PCGF3: variants seen among roughly 807,000 people sequenced by gnomAD.
The protein encoded by PCGF3 is polycomb group RING finger protein 3.
Under a neutral mutation model 33.1 loss-of-function variants are expected in PCGF3, and 7 were observed. The observed-to-expected ratio is 0.21, with a 90% CI of 0.12 to 0.40. The LOEUF (loss-of-function observed/expected upper bound fraction) is 0.40, where lower values mean the gene tolerates loss of function less well. Among genes scored for constraint, PCGF3 ranks in the 10% least tolerant of loss-of-function variants. The pLI is 1.00. For synonymous variants in PCGF3, 153 were observed against 121.3 expected, an observed-to-expected ratio of 1.26 and a Z score of -1.72; for missense variants, 211 against 313.3, an observed-to-expected ratio of 0.67 and a Z score of 2.46.
At chr4:730,847 A>G (rs931246966) in intron 2 of PCGF3, 123 bp from the exon 3 acceptor site, 4 of 395,600 alleles carry the variant, frequency 1.0e-5, no homozygotes, top group African/African-American at 8.2e-5. Flanking sequence ...AGTACTTCTG[A>G]TTGACCCCAT....
In PCGF3 at chr4:738,101, G is replaced by T. The variant is rs373228936; in HGVS notation, c.262+580G>T. Among the ~76,000 whole-genome samples, 13 of 152,386 alleles carry T rather than the reference G, an allele frequency of 8.5e-5. 1 individual carries two copies. The South Asian group carries it at 1.2e-3, about 15-fold the overall frequency. ...GCTGGCGACCGGCAAGGAGGCCAAG[G>T]AGGGGCCAGGTCAGCGCCAGGTGGG... On this transcript the variant is annotated intron_variant, in intron 6 of 10. Transcript: ENST00000362003.
chr4:733,732 C>A (rs780392365), exon 4 of PCGF3: 1 of 1,612,140 alleles, frequency 6.2e-7, no homozygotes, highest in Non-Finnish European at 8.5e-7. Context: ...CATCACCTGC[C>A]GCCTGTGCAG....
At chr4:723,021 A>G (rs1481617317) in intron 1 of PCGF3, among the ~76,000 whole-genome samples, 44 of 118,050 alleles carry the variant, frequency 3.7e-4, no homozygotes, top group African/African-American at 1.2e-3. Context: ...CGTCATCGCC[A>G]TCCACGCCGG....
At chr4:730,917 C>G (rs184379092) in intron 2 of PCGF3, 53 bp from the exon 3 acceptor site, 1 of 397,798 alleles carries the variant, frequency 2.5e-6, no homozygotes, top group African/African-American at 2.1e-5. Flanking sequence ...GGAGTTGTGG[C>G]AGTCACACAT....
At chr4:717,510 G>T (rs1742907698) in intron 1 of PCGF3, among the ~76,000 whole-genome samples, 1 of 152,172 alleles carries the variant, frequency 6.6e-6, no homozygotes, top group Non-Finnish European at 1.5e-5. Context: ...CTCCTGAGTA[G>T]CTGGGACTGC....
At chr4:734,534 A>T in intron 4 of PCGF3, 1 of 1,183,062 alleles carries the variant, frequency 8.5e-7, no homozygotes, top group Non-Finnish European at 1.0e-6. Context: ...ATTTTATGTT[A>T]GGTTATTTTC....
intron 1 of PCGF3, among the ~76,000 whole-genome samples, chr4:717,864 G>A (rs569524348): frequency 6.6e-6 from 1 of 152,342 alleles, no homozygotes; most frequent in East Asian, 1.9e-4. Context: ...GGCAGAGGGA[G>A]GTGTGGGCTG....
rs924725923 is a variant in PCGF3 at position 720,790 on chromosome 4, C to T, written c.-189-9840C>T. On this transcript the variant is annotated intron_variant, in intron 1 of 10. Transcript: ENST00000362003. This position sits in a 1 kb window ranked among gnomAD's most constrained non-coding sequence, Gnocchi z 5.6. ...AATGGATGTGGTTCCGACGTGACTG[C>T]GCTGGCATGGGAAGCAGAGGGTGAG... 3.9e-5 allele frequency among the ~76,000 whole-genome samples: 6 copies of T among 152,024 alleles called. No homozygotes were observed. In the East Asian group the frequency reaches 5.8e-4, roughly 15 times the overall value.
At chr4:747,958 C>T (rs186959543) in intron 8 of PCGF3, among the ~76,000 whole-genome samples, 51 of 152,226 alleles carry the variant, frequency 3.4e-4, no homozygotes, top group African/African-American at 1.2e-3. Flanking sequence ...GGTCAGTGGC[C>T]GGCTCTGGCC....
exon 10 of PCGF3, chr4:765,038 G>A (rs1745284754): frequency 1.9e-6 from 3 of 1,613,572 alleles, no homozygotes; most frequent in South Asian, 1.1e-5. Context: ...ACTCAAGTTC[G>A]TGGTTGTCAC....
At chr4:753,216 C>G (rs113310740) in intron 8 of PCGF3, among the ~76,000 whole-genome samples, 167 of 152,328 alleles carry the variant, frequency 1.1e-3, no homozygotes, top group Admixed American at 2.6e-3. Context: ...CAGGATCTTA[C>G]TTTCTTGCCT....
At chr4:749,075 T>C (rs1235801474) in intron 8 of PCGF3, among the ~76,000 whole-genome samples, 4 of 152,254 alleles carry the variant, frequency 2.6e-5, no homozygotes, top group South Asian at 4.1e-4. Flanking sequence ...TTTACTAATA[T>C]TTACCTTTTC....
chr4:756,425 C>G (rs184899523), intron 8 of PCGF3, among the ~76,000 whole-genome samples: 1 of 152,022 alleles, frequency 6.6e-6, no homozygotes, highest in African/African-American at 2.4e-5. Context: ...GTTGGCCCGT[C>G]TGGCCTCGAA....
chr4:739,810 C>T (rs935000219), intron 6 of PCGF3, among the ~76,000 whole-genome samples: 7 of 152,198 alleles, frequency 4.6e-5, no homozygotes, highest in African/African-American at 1.4e-4. Flanking sequence ...CCGGTGTGGA[C>T]GCTGCCAACT....
chr4:753,762 A>G (rs1744638185), intron 8 of PCGF3, among the ~76,000 whole-genome samples: 1 of 152,152 alleles, frequency 6.6e-6, no homozygotes, highest in African/African-American at 2.4e-5. Context: ...AGCCTGGGCA[A>G]CAAGGTGAAA....
chr4:762,583 TGAG>T (rs1451833377), intron 9 of PCGF3: 2 of 152,258 alleles, frequency 1.3e-5, no homozygotes, highest in African/African-American at 2.4e-5. Flanking sequence ...TTCCCCAACA[TGAG>T]GATGCAGCAG....
exon 11 of PCGF3, chr4:766,924 T>C (rs970045972): frequency 6.6e-6 from 1 of 152,340 alleles, no homozygotes; most frequent in African/African-American, 2.4e-5. Flanking sequence ...TGGTTTCCTA[T>C]GTTTTCTTTC....
exon 11 of PCGF3, chr4:768,260 C>T (rs1211551916): frequency 1.3e-5 from 2 of 152,658 alleles, no homozygotes; most frequent in African/African-American, 2.4e-5. Flanking sequence ...ATCGTGCAGA[C>T]AGTCTTCACT....
At chr4:710,610 T>C (rs1046121623) in intron 1 of PCGF3, among the ~76,000 whole-genome samples, 2 of 152,270 alleles carry the variant, frequency 1.3e-5, no homozygotes, top group Non-Finnish European at 2.9e-5. Context: ...AGCTGTCTCT[T>C]TAATTGGTGT....
Sources: allele counts gnomAD v4.1 joint callset (sites outside exome capture counted in the v4.1 genomes callset), GRCh38; gene constraint gnomAD v4.1.1; non-coding constraint Gnocchi (gnomAD v3.1); transcripts MANE v1.5; gene names NCBI Gene and HGNC (gene_info 2026-07-23, HGNC 2026-07-21).